Variants in ANKS1B observed in about 807,000 individuals in gnomAD.
ANKS1B encodes the protein ankyrin repeat and sterile alpha motif domain containing 1B, also known as ankyrin repeat and sterile alpha motif domain-containing protein 1B.
ANKS1B carries 36 observed loss-of-function variants against 148.3 expected under a neutral mutation model. The observed-to-expected ratio is 0.24, with a 90% CI of 0.19 to 0.32. The LOEUF (loss-of-function observed/expected upper bound fraction) is 0.32. Ranked by LOEUF, ANKS1B falls within the 10% of genes least tolerant of loss-of-function variation. The pLI is 1.00. For synonymous variants in ANKS1B, 542 were observed against 560.8 expected (o/e 0.97, Z 0.47); for missense variants, 1,157 against 1,542.6 (o/e 0.75, Z 4.19).
intron 11 of ANKS1B, among the ~76,000 whole-genome samples, chr12:99,429,096 ATAGTTT>A (rs1386852918): frequency 1.3e-5 from 2 of 152,220 alleles, no homozygotes; most frequent in South Asian, 2.1e-4. Flanking sequence ...GGATATTCAC[ATAGTTT>A]TAAAGTACCT....
At chr12:98,844,906 C>T (rs942130970) in intron 17 of ANKS1B, among the ~76,000 whole-genome samples, 8 of 152,170 alleles carry the variant, frequency 5.3e-5, no homozygotes, top group African/African-American at 1.4e-4. Flanking sequence ...TCAACATTCT[C>T]TCAACGGGCT....
chr12:99,211,724 G>A (rs2083371912), intron 14 of ANKS1B, among the ~76,000 whole-genome samples: 1 of 152,212 alleles, frequency 6.6e-6, no homozygotes, highest in Non-Finnish European at 1.5e-5. Flanking sequence ...ATGACATCAA[G>A]TGGAGGGCAA....
At chr12:99,842,364 TTA>T (rs1439050112) in intron 1 of ANKS1B, among the ~76,000 whole-genome samples, 1 of 152,156 alleles carries the variant, frequency 6.6e-6, no homozygotes, top group African/African-American at 2.4e-5. Flanking sequence ...GTAGTTTTTG[TTA>T]TGTTACATGT....
At chr12:99,081,059 A>G (rs1358673136) in intron 16 of ANKS1B, among the ~76,000 whole-genome samples, 1 of 152,224 alleles carries the variant, frequency 6.6e-6, no homozygotes, top group Non-Finnish European at 1.5e-5. Context: ...GATGCATTCT[A>G]TGTGTTGAAT....
At chr12:99,937,495 A>T (rs2094808330) in intron 1 of ANKS1B, among the ~76,000 whole-genome samples, 1 of 152,200 alleles carries the variant, frequency 6.6e-6, no homozygotes, top group Non-Finnish European at 1.5e-5. Flanking sequence ...TTCTTCTCAC[A>T]GACAAAAATC....
At chr12:99,228,704 A>T (rs1041384696) in intron 14 of ANKS1B, among the ~76,000 whole-genome samples, 1 of 152,022 alleles carries the variant, frequency 6.6e-6, no homozygotes, top group Non-Finnish European at 1.5e-5. Flanking sequence ...AAACAAAAGA[A>T]CATATTATTT....
At chr12:98,846,949 G>C (rs2099479088) in intron 17 of ANKS1B, among the ~76,000 whole-genome samples, 2 of 152,148 alleles carry the variant, frequency 1.3e-5, no homozygotes, top group Admixed American at 1.3e-4. Context: ...ATTCCAGTAT[G>C]ACTGACATGT....
At chr12:99,769,122 C>A (rs116526460) in intron 8 of ANKS1B, among the ~76,000 whole-genome samples, 42 of 152,072 alleles carry the variant, frequency 2.8e-4, no homozygotes, top group African/African-American at 1.0e-3. Flanking sequence ...CAGAAGTAGG[C>A]TGGACATTAA....
At chr12:99,259,716 A>T (rs1468983127) in intron 12 of ANKS1B, among the ~76,000 whole-genome samples, 1 of 152,146 alleles carries the variant, frequency 6.6e-6, no homozygotes, top group East Asian at 1.9e-4. Flanking sequence ...TGCGCTTTGC[A>T]TTGAAAGAAG....
chr12:99,146,692 C>T (rs2073241744), intron 15 of ANKS1B, among the ~76,000 whole-genome samples: 2 of 152,126 alleles, frequency 1.3e-5, no homozygotes, highest in African/African-American at 4.8e-5. Context: ...CTTCATGTAG[C>T]CACCTGCCTG....
intron 14 of ANKS1B, among the ~76,000 whole-genome samples, chr12:99,180,344 G>T (rs2078961977): frequency 1.3e-5 from 2 of 152,196 alleles, no homozygotes; most frequent in South Asian, 4.1e-4. Context: ...AACCATCTCT[G>T]TGTCCCACAC....
intron 17 of ANKS1B, among the ~76,000 whole-genome samples, chr12:98,967,390 T>C (rs1486157056): frequency 6.6e-6 from 1 of 152,026 alleles, no homozygotes; most frequent in Non-Finnish European, 1.5e-5. Flanking sequence ...CACTATCTTC[T>C]GTTATGATCT....
At chr12:98,738,813 TAC>T (rs2097785208) in intron 9 of ANKS1B, among the ~76,000 whole-genome samples, 1 of 152,160 alleles carries the variant, frequency 6.6e-6, no homozygotes, top group Non-Finnish European at 1.5e-5. Context: ...TCCAATAGCT[TAC>T]GTGATGGTTT....
intron 12 of ANKS1B, among the ~76,000 whole-genome samples, chr12:99,347,809 A>C (rs2090922430): frequency 6.6e-6 from 1 of 151,898 alleles, no homozygotes; most frequent in Non-Finnish European, 1.5e-5. Flanking sequence ...CTTCCAAAAA[A>C]AATAATAAAG....
In ANKS1B at chr12:99,638,886, G is replaced by A. The variant is rs1304447038; in HGVS notation, c.1272+16181C>T. ...CCACTCCAGCCCTGGTCTAAAAGGT[G>A]CCAAGGTACAGCTCGGGCCATATCT... On this transcript the variant is annotated intron_variant, in intron 9 of 26. Transcript: ENST00000683438. 3.9e-5 allele frequency among the ~76,000 whole-genome samples: 6 copies of A among 152,318 alleles called. No individual in the cohort carries two copies. In the East Asian group the frequency reaches 5.8e-4, roughly 15 times the overall value.
chr12:99,692,204 G>A (rs1028393582), intron 8 of ANKS1B, among the ~76,000 whole-genome samples: 6 of 152,138 alleles, frequency 3.9e-5, no homozygotes, highest in Non-Finnish European at 7.3e-5. Context: ...ATGGATTGTA[G>A]GAGGGGAATA....
chr12:99,457,630 C>G (rs190755421), intron 10 of ANKS1B, among the ~76,000 whole-genome samples: 149 of 152,136 alleles, frequency 9.8e-4, no homozygotes, highest in African/African-American at 3.4e-3. Context: ...AGTAGCTGTT[C>G]TTATATTAGA....
intron 8 of ANKS1B, among the ~76,000 whole-genome samples, chr12:99,725,576 GTCAATATT>G (rs2058536277): frequency 6.6e-6 from 1 of 152,120 alleles, no homozygotes; most frequent in Admixed American, 6.6e-5. Flanking sequence ...ACACCCTACT[GTCAATATT>G]GGACACATCA....
Position 99,218,720 on chromosome 12 carries a change from T to C in ANKS1B, c.2419+25622A>G, listed in dbSNP as rs529834590. On this transcript the variant is annotated intron_variant, in intron 14 of 26. Coordinates refer to ENST00000683438, the MANE Select transcript of ANKS1B (RefSeq NM_001352186.2). ...TTAATCTCACTTTCCCTCCATTTCA[T>C]GGTCTGTAAAGTGGGAGTAACACCT... Among the ~76,000 whole-genome samples, 25 of 152,340 alleles carry C rather than the reference T, an allele frequency of 1.6e-4. No individual in the cohort carries two copies. In the South Asian group the frequency reaches 4.2e-3, roughly 25 times the overall value.
Sources: gnomAD v4.1 joint callset for allele counts (sites outside exome capture counted in the v4.1 genomes callset) on GRCh38, gnomAD v4.1.1 for gene constraint, MANE v1.5 for transcripts, NCBI Gene and HGNC (gene_info 2026-07-23, HGNC 2026-07-21) for gene names.